The following AGO4 variants were observed in gnomAD, a reference collection of about 807,000 sequenced individuals.
AGO4 encodes the protein protein argonaute-4.
A neutral mutation model predicts 104.7 loss-of-function variants in AGO4; 33 were observed. That is an observed-to-expected ratio of 0.32 (90% CI 0.24 to 0.42). AGO4 has a LOEUF of 0.42. Among genes scored for constraint, AGO4 ranks in the 10% least tolerant of loss-of-function variants. AGO4 has a pLI of 1.00. For missense variants in AGO4, 711 were observed against 1,083.4 expected (o/e 0.66, Z 4.83); for synonymous variants, 331 against 364.7 (o/e 0.91, Z 1.05).
chr1:35,844,324 G>A (rs919291189), intron 15 of AGO4, among the ~76,000 whole-genome samples: 7 of 152,144 alleles, frequency 4.6e-5, no homozygotes, highest in Non-Finnish European at 1.0e-4. Flanking sequence ...GATTACAGGC[G>A]TGAGCCACCA....
At chr1:35,827,790 C>CTTTTTTTTTTTTTTTTTTTTTTT (rs142432459) in intron 7 of AGO4, among the ~76,000 whole-genome samples, 1 of 103,850 alleles carries the variant, frequency 9.6e-6, no homozygotes. Context: ...TGTTGTTATT[C>CTTTTTTTTTTTTTTTTTTTTTTT]TTTTTTTTTT....
chr1:35,856,707 C>T lies in AGO4; in HGVS notation c.*3102C>T, dbSNP rs1189339318. ...ATTAGCTGGGTCTGGTGGTGGATGC[C>T]TGTAATCCCAGCTACTCGGGAGGCT... On this transcript the variant is annotated 3_prime_UTR_variant, in exon 18 of 18. Transcript: ENST00000373210. 6.6e-6 allele frequency: 1 copy of T among 151,858 alleles called. No individual in the cohort carries two copies. The highest frequency in any genetic ancestry group is 1.5e-5 in the Non-Finnish European group (1 of 68,158). The allele number at this position is 151,858 out of a possible 1,614,324, so 9.4% of individuals were successfully genotyped here.
chr1:35,832,252 T>C lies in AGO4; in HGVS notation c.1245+67T>C, dbSNP rs1386490709. 4 of 1,582,418 alleles carry C rather than the reference T, an allele frequency of 2.5e-6. No individual in the cohort carries two copies. The East Asian group carries it at 8.9e-5, about 35-fold the overall frequency. On this transcript the variant is annotated intron_variant, in intron 10 of 17. Transcript: ENST00000373210. ...GTCAAAAAGAGAATAATCCAGGGTTTCTCTACTCTGCCACTGCTGAATTTA... is the reference window on the plus strand; with the variant it reads ...GTCAAAAAGAGAATAATCCAGGGTTCCTCTACTCTGCCACTGCTGAATTTA...
rs925665032 is a variant in AGO4, at chr1:35,855,259, G to C, written c.*1654G>C. 2 of 152,726 alleles carry C rather than the reference G, an allele frequency of 1.3e-5. No homozygotes were observed. The highest frequency in any genetic ancestry group is 4.8e-5 in the African/African-American group (2 of 41,412). 9.5% of individuals were successfully genotyped at this position (152,726 alleles called of 1,614,324 possible). A position where few individuals can be genotyped will look rare whatever the true frequency, so the allele number is the denominator to read the frequency against. On this transcript the variant is annotated 3_prime_UTR_variant, in exon 18 of 18. Transcript: ENST00000373210. Reference sequence around the variant, plus strand: ...TAGGGAAAGAGATAGACACAATGGGGTGAAAACAATTTTGCCGCCCCTGCC... The same window carrying C: ...TAGGGAAAGAGATAGACACAATGGGCTGAAAACAATTTTGCCGCCCCTGCC...
chr1:35,827,897 T>G lies in AGO4; in HGVS notation c.848+1062T>G, dbSNP rs548858213. Among the ~76,000 whole-genome samples the G allele has an allele frequency of 3.4e-5, 5 of 147,816 alleles. No homozygotes were observed. The East Asian group carries it at 1.1e-3, about 31-fold the overall frequency. Reference sequence around the variant, plus strand: ...CTTCCAAGTAGTGGGATTACAGGCATGCACCACCACACTCGCCTAATTTTT... The same window carrying G: ...CTTCCAAGTAGTGGGATTACAGGCAGGCACCACCACACTCGCCTAATTTTT... On this transcript the variant is annotated intron_variant, in intron 7 of 17. Coordinates refer to ENST00000373210, the MANE Select transcript of AGO4 (RefSeq NM_017629.4).
Position 35,839,494 on chromosome 1 carries a change from T to C in AGO4, c.1725-1671T>C, listed in dbSNP as rs529019418. On this transcript the variant is annotated intron_variant, in intron 13 of 17. Transcript: ENST00000373210. ...CTTGGGAACATTCTTTATCCTCTTATGTCTTATTTTTTATCTGGAAAAATT... is the reference window on the plus strand; with the variant it reads ...CTTGGGAACATTCTTTATCCTCTTACGTCTTATTTTTTATCTGGAAAAATT... 3.9e-5 allele frequency among the ~76,000 whole-genome samples: 6 copies of C among 152,334 alleles called. No homozygotes were observed. The East Asian group carries it at 1.2e-3, about 29-fold the overall frequency.
chr1:35,840,590 C>T lies in AGO4; in HGVS notation c.1725-575C>T, dbSNP rs577798496. ...CTGGGATTACAGGCGTGAGCCACCA[C>T]GCCCGGCCTCTTTTCTTTTTTTAAA... On this transcript the variant is annotated intron_variant, in intron 13 of 17. Coordinates refer to ENST00000373210, the MANE Select transcript of AGO4 (RefSeq NM_017629.4). 4.6e-5 allele frequency among the ~76,000 whole-genome samples: 7 copies of T among 151,786 alleles called. No individual in the cohort carries two copies. In the East Asian group the frequency reaches 9.7e-4, roughly 21 times the overall value.
At chr1:35,814,963 T>G in intron 1 of AGO4, among the ~76,000 whole-genome samples, 1 of 152,086 alleles carries the variant, frequency 6.6e-6, no homozygotes, top group Non-Finnish European at 1.5e-5. Context: ...CTGCAACCTC[T>G]GCCTCCCGGG....
chr1:35,814,434 T>G (rs548400701), intron 1 of AGO4, among the ~76,000 whole-genome samples: 1 of 152,034 alleles, frequency 6.6e-6, no homozygotes, highest in South Asian at 2.1e-4. Context: ...TAGGTATATC[T>G]CCTAATGCTA....
At chr1:35,831,395 A>G in intron 7 of AGO4, 32 bp from the exon 8 acceptor site, 1 of 1,560,942 alleles carries the variant, frequency 6.4e-7, no homozygotes, top group South Asian at 1.2e-5. Context: ...GAACTTGAAG[A>G]AATATTCTAA....
chr1:35,831,851 CT>C lies in AGO4; in HGVS notation c.1037del (p.Leu346ProfsTer9), dbSNP rs1644193540. The C allele has an allele frequency of 6.2e-7, 1 of 1,613,986 alleles. No homozygotes were observed. The highest frequency in any genetic ancestry group is 1.7e-5 in the Admixed American group (1 of 59,984). ...GGCAGGACAGCGATGTATCAAGAAG[CT>C]CACAGACAATCAGACTTCCACAATG... ...IVAGQRCIKK[L>X]TDNQTSTMIK... is the part of the protein sequence containing the mutation. On this transcript the variant is annotated frameshift_variant, in exon 9 of 18. Coordinates refer to ENST00000373210, the MANE Select transcript of AGO4 (RefSeq NM_017629.4). LOFTEE classifies it high-confidence loss of function.
In AGO4 at chr1:35,834,155, T is replaced by C. The variant is rs1381630544; in HGVS notation, c.1545T>C (p.Pro515=). The stretch of plus-strand genomic sequence containing the variant: ...TACAGCTAATAGTGGTTATCCTGCC[T>C]GGAAAGACACCAGTATATGGTATGG... The part of the protein sequence containing the change: ...VGLQLIVVIL[P]GKTPVYAEVK... Residue 515 remains proline, a synonymous_variant, in exon 12 of 18, where the codon CCT becomes CCC. Transcript: ENST00000373210. 2 of 1,600,020 alleles carry C rather than the reference T, an allele frequency of 1.2e-6. No homozygotes were observed. Among genetic ancestry groups the C allele is most frequent in the Non-Finnish European group, 1.7e-6 (2 of 1,174,502 alleles).
intron 1 of AGO4, among the ~76,000 whole-genome samples, chr1:35,812,103 T>C (rs1189969710): frequency 6.6e-6 from 1 of 151,910 alleles, no homozygotes; most frequent in African/African-American, 2.4e-5. Context: ...ATTGCTTCAT[T>C]AAGTAGATAG....
chr1:35,844,449 C>G (rs1250840274), intron 15 of AGO4, among the ~76,000 whole-genome samples: 1 of 152,158 alleles, frequency 6.6e-6, no homozygotes, highest in East Asian at 1.9e-4. Context: ...CCCATAGCAT[C>G]TGTTCCACAC....
chr1:35,818,658 A>AAAGAAAGAAAGAAAGAAAGG (rs1553144552), intron 2 of AGO4, among the ~76,000 whole-genome samples: 40 of 61,546 alleles, frequency 6.5e-4, no homozygotes, highest in African/African-American at 1.9e-3. Flanking sequence ...AGAAAGAAAG[A>AAAGAAAGAAAGAAAGAAAGG]AAGGAAGAAA....
rs1368617313 is a variant in AGO4, at chr1:35,834,161, GAC to G, written c.1554_1555del (p.Pro519SerfsTer48). 1 of 1,599,386 alleles carries G rather than the reference GAC, an allele frequency of 6.3e-7. No individual in the cohort carries two copies. The highest frequency in any genetic ancestry group is 8.5e-7 in the Non-Finnish European group (1 of 1,174,298). On this transcript the variant is annotated frameshift_variant, in exon 12 of 18. Transcript: ENST00000373210. LOFTEE classifies it high-confidence loss of function. The part of the protein sequence containing the change: ...QLIVVILPGK[T>X]PVYAEVKRVG... ...TAATAGTGGTTATCCTGCCTGGAAA[GAC>G]ACCAGTATATGGTATGGACCCTTTT...
rs1355907182 is a variant in AGO4 at position 35,808,511 on chromosome 1, C to A, written c.19+76C>A. On this transcript the variant is annotated intron_variant, in intron 1 of 17. Coordinates refer to ENST00000373210, the MANE Select transcript of AGO4 (RefSeq NM_017629.4). This position sits in a 1 kb window ranked among gnomAD's most constrained non-coding sequence, Gnocchi z 5.2. ...CGGGCGGCCGGGACTTTCGCTGCCC[C>A]GTCGCCTCGCCGGGTTCGGGCCGCC... is the stretch of plus-strand genomic sequence containing the variant. 1.7e-6 allele frequency: 2 copies of A among 1,150,984 alleles called. No homozygotes were observed. The highest frequency in any genetic ancestry group is 2.1e-6 in the Non-Finnish European group (2 of 930,866). The allele number at this position is 1,150,984 out of a possible 1,614,324, so 71.3% of individuals were successfully genotyped here. A position where few individuals can be genotyped will look rare whatever the true frequency, so the allele number is the denominator to read the frequency against.
chr1:35,832,421 T>TC lies in AGO4; in HGVS notation c.1246-16_1246-15insC. 1.3e-6 allele frequency: 2 copies of TC among 1,548,826 alleles called. No homozygotes were observed. The highest frequency in any genetic ancestry group is 1.7e-6 in the Non-Finnish European group (2 of 1,154,174). On this transcript the variant is annotated splice_polypyrimidine_tract_variant and intron_variant, in intron 10 of 17. Coordinates refer to ENST00000373210, the MANE Select transcript of AGO4 (RefSeq NM_017629.4). Reference sequence around the variant, plus strand: ...GTTTCTTCTTCTTCTTCTTCTTCTTTTTTTTTTTTTCAAAGAATAAAACAG... The same window carrying TC: ...GTTTCTTCTTCTTCTTCTTCTTCTTTCTTTTTTTTTTCAAAGAATAAAACAG...
intron 17 of AGO4, among the ~76,000 whole-genome samples, chr1:35,852,319 A>C (rs1644721541): frequency 6.6e-6 from 1 of 152,218 alleles, no homozygotes; most frequent in Non-Finnish European, 1.5e-5. Flanking sequence ...GATGATAAGG[A>C]TAATAATCAC....
Sources: allele counts gnomAD v4.1 joint callset (sites outside exome capture counted in the v4.1 genomes callset), GRCh38; gene constraint gnomAD v4.1.1; non-coding constraint Gnocchi (gnomAD v3.1); transcripts MANE v1.5; gene names NCBI Gene and HGNC (gene_info 2026-07-23, HGNC 2026-07-21).